Variants in DNAH9 observed in about 807,000 individuals in gnomAD.
The protein encoded by DNAH9 is dynein axonemal heavy chain 9.
Under a neutral mutation model 471.6 loss-of-function variants are expected in DNAH9, and 345 were observed. The ratio of observed to expected loss-of-function variants is 0.73; its 90% CI spans 0.67 to 0.80. The LOEUF is 0.80. Ranked by LOEUF, DNAH9 falls within the 30% of genes least tolerant of loss-of-function variation. The pLI, the probability that DNAH9 is intolerant of heterozygous loss-of-function variation, is 0.00. For missense variants in DNAH9, 5,407 were observed against 5,609.2 expected, an observed-to-expected ratio of 0.96 and a Z score of 1.15; for synonymous variants, 2,093 against 2,123.6, an observed-to-expected ratio of 0.99 and a Z score of 0.40.
chr17:11,787,572 C>T (rs1265520398), intron 41 of DNAH9, among the ~76,000 whole-genome samples: 1 of 152,148 alleles, frequency 6.6e-6, no homozygotes, highest in Non-Finnish European at 1.5e-5. Flanking sequence ...CTGGCTTGAT[C>T]CCAGGCTCAG....
chr17:11,768,434 ACTGT>A lies in DNAH9; in HGVS notation c.7171-16_7171-13del, dbSNP rs766210424. ...GAGTTCTGGAGGACCTTGTCCCCTG[ACTGT>A]CTTTGTTTTTGCAGCTTGTGGACTA... On this transcript the variant is annotated splice_polypyrimidine_tract_variant and intron_variant, in intron 36 of 68. Transcript: ENST00000262442. 2.4e-5 allele frequency: 38 copies of A among 1,607,912 alleles called. No homozygotes were observed. Among genetic ancestry groups the A allele is most frequent in the South Asian group, 8.8e-5 (8 of 90,872 alleles).
In DNAH9 at chr17:11,756,979, A is replaced by G. The variant is rs112968080; in HGVS notation, c.6847+303A>G. Among the ~76,000 whole-genome samples, 618 of 152,232 alleles carry G rather than the reference A, an allele frequency of 4.1e-3. 8 individuals are homozygous for G. Among genetic ancestry groups the G allele is most frequent in the African/African-American group, 0.014 (588 of 41,548 alleles). On this transcript the variant is annotated intron_variant, in intron 34 of 68. Transcript: ENST00000262442. ...ACTCCTGGTGCAAAATTGCAACTCT[A>G]TCCCTTAAGTTTCATCTGTCTCCAC... is the stretch of plus-strand genomic sequence containing the variant.
At chr17:11,647,692 C>T (rs1246915477) in intron 12 of DNAH9, among the ~76,000 whole-genome samples, 1 of 152,132 alleles carries the variant, frequency 6.6e-6, no homozygotes, top group Non-Finnish European at 1.5e-5. Context: ...AGACTTGGCT[C>T]CTGCCCTCAA....
intron 38 of DNAH9, among the ~76,000 whole-genome samples, chr17:11,772,075 C>T (rs968512916): frequency 6.6e-6 from 1 of 152,066 alleles, no homozygotes; most frequent in African/African-American, 2.4e-5. Flanking sequence ...TATACTGCTT[C>T]CCTGCTAAGA....
chr17:11,954,378 C>G (rs1262375252), intron 67 of DNAH9, among the ~76,000 whole-genome samples: 2 of 151,932 alleles, frequency 1.3e-5, no homozygotes, highest in African/African-American at 4.8e-5. Context: ...TGTAAATACA[C>G]CTCATAATAA....
chr17:11,867,487 C>T (rs557318030), intron 50 of DNAH9, among the ~76,000 whole-genome samples: 1 of 152,166 alleles, frequency 6.6e-6, no homozygotes, highest in East Asian at 1.9e-4. Flanking sequence ...ATTCTCTCTT[C>T]CTTTTAATAA....
At chr17:11,806,012 G>A (rs1219424067) in intron 43 of DNAH9, among the ~76,000 whole-genome samples, 1 of 152,156 alleles carries the variant, frequency 6.6e-6, no homozygotes, top group Non-Finnish European at 1.5e-5. Flanking sequence ...GATTACAGAT[G>A]TGAGCCACCG....
At chr17:11,850,003 C>G (rs1971361532) in intron 49 of DNAH9, among the ~76,000 whole-genome samples, 2 of 152,314 alleles carry the variant, frequency 1.3e-5, no homozygotes, top group African/African-American at 4.8e-5. Context: ...GGGAAGATCC[C>G]TGCCTCTCTG....
chr17:11,753,107 C>T (rs1967228427), intron 33 of DNAH9, 147 bp downstream of exon 33: 1 of 577,348 alleles, frequency 1.7e-6, no homozygotes, highest in Non-Finnish European at 2.8e-6. Context: ...CCACACATCT[C>T]TGCACTGATA....
rs147295180 is a variant in DNAH9 at position 11,933,638 on chromosome 17, C to T, written c.12298-242C>T. On this transcript the variant is annotated intron_variant, in intron 64 of 68. Transcript: ENST00000262442. ...CAGGTGATCCACCCGCCTCGGCCTC[C>T]CAAAGTGCTGGAATTACAGGCGTGA... Among the ~76,000 whole-genome samples, 469 of 152,260 alleles carry T rather than the reference C, an allele frequency of 3.1e-3. 3 individuals are homozygous for T. The East Asian group carries it at 0.049, about 16-fold the overall frequency.
At chr17:11,762,758 G>GTTTTTTTGT (rs1967733562) in intron 35 of DNAH9, among the ~76,000 whole-genome samples, 1 of 94,790 alleles carries the variant, frequency 1.1e-5, no homozygotes, top group Non-Finnish European at 2.1e-5. Flanking sequence ...CTTTAGGTGC[G>GTTTTTTTGT]TTTTTTTTTT....
intron 57 of DNAH9, among the ~76,000 whole-genome samples, chr17:11,887,736 T>TCACACACACA (rs35670481): frequency 1.1e-3 from 160 of 147,504 alleles, no homozygotes; most frequent in African/African-American, 3.7e-3. Context: ...ATACACACAG[T>TCACACACACA]CACACACACA....
At chr17:11,889,941 T>C (rs1972998885) in intron 57 of DNAH9, among the ~76,000 whole-genome samples, 1 of 152,184 alleles carries the variant, frequency 6.6e-6, no homozygotes, top group Non-Finnish European at 1.5e-5. Context: ...ACCAGAGCTG[T>C]TCCGACACCA....
At chr17:11,726,646 T>TTTCC (rs754161696) in intron 27 of DNAH9, among the ~76,000 whole-genome samples, 17 of 152,272 alleles carry the variant, frequency 1.1e-4, no homozygotes, top group Admixed American at 2.6e-4. Flanking sequence ...ATGCAGTAAT[T>TTTCC]TTCCTGTTTT....
chr17:11,966,572 G>A (rs975444382), intron 68 of DNAH9, among the ~76,000 whole-genome samples: 1 of 152,192 alleles, frequency 6.6e-6, no homozygotes, highest in East Asian at 1.9e-4. Flanking sequence ...AAGCATAAAA[G>A]ATAGTATAAA....
intron 4 of DNAH9, among the ~76,000 whole-genome samples, chr17:11,616,941 A>G (rs2072758928): frequency 2.0e-5 from 3 of 152,212 alleles, no homozygotes; most frequent in East Asian, 1.9e-4. Flanking sequence ...GTTTATAAAG[A>G]TTCCTATTGA....
rs895133881 is a variant in DNAH9, at chr17:11,881,898, G to A, written c.10806+485G>A. ...CTGCACTCCAGCCTGGAAATAGGGC[G>A]AGGTTCTGTCTCAAAAAAAAGAAAA... is the stretch of plus-strand genomic sequence containing the variant. On this transcript the variant is annotated intron_variant, in intron 55 of 68. Transcript: ENST00000262442. Among the ~76,000 whole-genome samples the A allele has an allele frequency of 4.1e-5, 6 of 145,172 alleles. No individual in the cohort carries two copies. The East Asian group carries it at 6.3e-4, about 15-fold the overall frequency.
chr17:11,931,808 T>C (rs1316220138), intron 63 of DNAH9, among the ~76,000 whole-genome samples: 1 of 152,108 alleles, frequency 6.6e-6, no homozygotes, highest in East Asian at 1.9e-4. Context: ...AACCCTATTA[T>C]CACCTGAATC....
intron 20 of DNAH9, among the ~76,000 whole-genome samples, chr17:11,692,363 C>T (rs2074349004): frequency 6.6e-6 from 1 of 152,194 alleles, no homozygotes; most frequent in Non-Finnish European, 1.5e-5. Context: ...GCTCTACCAC[C>T]TCACCAGGTG....
Sources: allele counts gnomAD v4.1 joint callset (sites outside exome capture counted in the v4.1 genomes callset), GRCh38; gene constraint gnomAD v4.1.1; transcripts MANE v1.5; gene names NCBI Gene and HGNC (gene_info 2026-07-23, HGNC 2026-07-21).